Variants in INTS9 observed in about 807,000 individuals in gnomAD.
INTS9 encodes protein related to CPSF subunits of 74 kDa.
INTS9 carries 55 observed loss-of-function variants against 79.7 expected under a neutral mutation model. That is an observed-to-expected ratio of 0.69 (90% CI 0.56 to 0.86). The LOEUF is 0.86. INTS9 is among the 40% of genes least tolerant of loss of function. The pLI is 0.00. For missense variants in INTS9, 721 were observed against 831.5 expected (o/e 0.87, Z 1.64); for synonymous variants, 319 against 325.2 (o/e 0.98, Z 0.20).
intron 1 of INTS9, among the ~76,000 whole-genome samples, chr8:28,884,156 T>TCATCA (rs1810046586): frequency 6.8e-6 from 1 of 148,102 alleles, no homozygotes. Context: ...CAAAAGTCTG[T>TCATCA]CATCAGTGTA....
chr8:28,771,361 C>T (rs1802529795), intron 14 of INTS9, among the ~76,000 whole-genome samples: 1 of 152,078 alleles, frequency 6.6e-6, no homozygotes, highest in Non-Finnish European at 1.5e-5. Flanking sequence ...GCTCTCTCTT[C>T]CTGAAAGTCT....
intron 5 of INTS9, among the ~76,000 whole-genome samples, chr8:28,836,587 C>T (rs530760923): frequency 4.2e-4 from 64 of 152,250 alleles, no homozygotes; most frequent in Admixed American, 9.2e-4. Context: ...AGGAAGAGTG[C>T]TAATTTCAAC....
intron 5 of INTS9, among the ~76,000 whole-genome samples, chr8:28,836,970 T>A (rs1419496671): frequency 6.6e-6 from 1 of 152,214 alleles, no homozygotes; most frequent in Non-Finnish European, 1.5e-5. Context: ...AAAAATAAAT[T>A]GACAAATTTT....
chr8:28,783,954 T>C (rs1372272764), intron 11 of INTS9: 2 of 152,244 alleles, frequency 1.3e-5, no homozygotes, highest in Non-Finnish European at 2.9e-5. Flanking sequence ...CTATAGTTCC[T>C]GTAGCTCTAC....
chr8:28,773,405 A>T (rs1048383737), intron 14 of INTS9, among the ~76,000 whole-genome samples: 1 of 148,262 alleles, frequency 6.7e-6, no homozygotes, highest in Non-Finnish European at 1.5e-5. Flanking sequence ...CGGAGCTTGC[A>T]GTGAGCCAAG....
Position 28,768,116 on chromosome 8 carries a change from G to C in INTS9, c.*30C>G. 6.2e-7 allele frequency: 1 copy of C among 1,611,432 alleles called. No individual in the cohort carries two copies. The highest frequency in any genetic ancestry group is 8.5e-7 in the Non-Finnish European group (1 of 1,178,246). On this transcript the variant is annotated 3_prime_UTR_variant, in exon 17 of 17. Coordinates refer to ENST00000521022, the MANE Select transcript of INTS9 (RefSeq NM_018250.4). ...GAGGGCAGCCAGTGAGGGACTGCAG[G>C]ATTTCAGGGAAGTAGCTCAGATGGC... is the stretch of plus-strand genomic sequence containing the variant.
At chr8:28,855,358 T>C (rs1563300203) in intron 2 of INTS9, among the ~76,000 whole-genome samples, 2 of 152,214 alleles carry the variant, frequency 1.3e-5, no homozygotes, top group Non-Finnish European at 2.9e-5. Context: ...GAAAAACCAC[T>C]GAAAGGTTTT....
intron 9 of INTS9, 123 bp downstream of exon 9, chr8:28,796,421 C>A: frequency 1.7e-6 from 1 of 599,602 alleles, no homozygotes. Context: ...ATACTGCCTC[C>A]CTCCTTTGAC....
intron 6 of INTS9, among the ~76,000 whole-genome samples, chr8:28,826,517 G>T (rs1319691382): frequency 6.6e-6 from 1 of 152,156 alleles, no homozygotes; most frequent in Non-Finnish European, 1.5e-5. Flanking sequence ...TTTGTGGCAG[G>T]CGCTTCTGCC....
At position 28,836,250 on chromosome 8, in the gene INTS9, C is replaced by T. The variant is rs149326105; in HGVS notation, c.402-872G>A. Among the ~76,000 whole-genome samples, 855 of 152,258 alleles carry T rather than the reference C, an allele frequency of 5.6e-3. 9 individuals carry two copies. The highest frequency in any genetic ancestry group is 0.02 in the African/African-American group (818 of 41,558). On this transcript the variant is annotated intron_variant, in intron 5 of 16. Transcript: ENST00000521022. ...AAGACTAGCTCTCTCTGAGATGAGA[C>T]GGAGTACCACAGAACCAGGGATGAG...
rs1295681196 is a variant in INTS9 at position 28,770,972 on chromosome 8, C to T, written c.1662+10G>A. ...GAGGGTCCCCTGCACTCCCACCCAG[C>T]ACCCCCTACCTGAAGCAAGTGCTTG... is the stretch of plus-strand genomic sequence containing the variant. On this transcript the variant is annotated intron_variant, in intron 15 of 16. Transcript: ENST00000521022. The T allele has an allele frequency of 3.1e-6, 5 of 1,609,550 alleles. No individual in the cohort carries two copies. The Admixed American group carries it at 6.7e-5, about 22-fold the overall frequency.
chr8:28,874,209 G>A (rs755428292), intron 1 of INTS9, among the ~76,000 whole-genome samples: 1 of 151,646 alleles, frequency 6.6e-6, no homozygotes, highest in Non-Finnish European at 1.5e-5. Flanking sequence ...GTAAAATAAA[G>A]CTCTTTTAAC....
Position 28,813,649 on chromosome 8 carries a change from A to G in INTS9, c.489-37T>C, listed in dbSNP as rs879123214. The G allele has an allele frequency of 3.7e-6, 6 of 1,607,942 alleles. No homozygotes were observed. In the Admixed American group the frequency reaches 1.0e-4, roughly 27 times the overall value. On this transcript the variant is annotated intron_variant, in intron 6 of 16. Transcript: ENST00000521022. ...TCACAATGTCAACTACCAGGTGAAC[A>G]TTTCTTCATGTTCTACAGCATTCCT... is the stretch of plus-strand genomic sequence containing the variant.
intron 1 of INTS9, among the ~76,000 whole-genome samples, chr8:28,873,787 T>C (rs1809216106): frequency 1.3e-5 from 2 of 152,258 alleles, no homozygotes; most frequent in Non-Finnish European, 2.9e-5. Context: ...AACATGTCGA[T>C]GTGACTGAGA....
chr8:28,834,211 C>A (rs1040963282), intron 6 of INTS9, among the ~76,000 whole-genome samples: 2 of 152,170 alleles, frequency 1.3e-5, no homozygotes, highest in African/African-American at 4.8e-5. Context: ...TAGATCAAGG[C>A]TTTGTCATCT....
chr8:28,791,467 G>A (rs574543913), intron 10 of INTS9, among the ~76,000 whole-genome samples: 2 of 152,106 alleles, frequency 1.3e-5, no homozygotes, highest in Admixed American at 6.5e-5. Context: ...ACACATCACC[G>A]CCGGCAGACC....
intron 9 of INTS9, among the ~76,000 whole-genome samples, chr8:28,796,102 G>A (rs1190307455): frequency 6.6e-6 from 1 of 152,216 alleles, no homozygotes; most frequent in Non-Finnish European, 1.5e-5. Context: ...CTGAGGTCAG[G>A]AGTTCCAGAC....
At chr8:28,830,852 G>A (rs1806440644) in intron 6 of INTS9, among the ~76,000 whole-genome samples, 1 of 152,024 alleles carries the variant, frequency 6.6e-6, no homozygotes, top group Admixed American at 6.6e-5. Flanking sequence ...AATCAAAGAT[G>A]GCCTTCTCCA....
chr8:28,846,948 C>T, intron 3 of INTS9, 139 bp from the exon 4 acceptor site: 1 of 680,638 alleles, frequency 1.5e-6, no homozygotes, highest in Non-Finnish European at 2.6e-6. Flanking sequence ...GGTTATTAGG[C>T]CGACTGTCCT....
Sources: gnomAD v4.1 joint callset for allele counts (sites outside exome capture counted in the v4.1 genomes callset) on GRCh38, gnomAD v4.1.1 for gene constraint, MANE v1.5 for transcripts, NCBI Gene and HGNC (gene_info 2026-07-23, HGNC 2026-07-21) for gene names.